Variants in MECOM observed in about 807,000 individuals in gnomAD.
MECOM encodes the protein histone-lysine N-methyltransferase MECOM.
MECOM carries 13 observed loss-of-function variants against 116.3 expected under a neutral mutation model. That is an observed-to-expected ratio of 0.11 (90% CI 0.07 to 0.18). MECOM has a LOEUF of 0.18. MECOM is among the 10% of genes least tolerant of loss of function. MECOM has a pLI of 1.00. For synonymous variants in MECOM, 528 were observed against 535.2 expected, an observed-to-expected ratio of 0.99 and a Z score of 0.19; for missense variants, 1,299 against 1,509.0, an observed-to-expected ratio of 0.86 and a Z score of 2.31.
intron 10 of MECOM, 69 bp from the exon 11 acceptor site, chr3:169,102,295 C>T (rs770250961): frequency 1.8e-5 from 25 of 1,425,008 alleles, no homozygotes; most frequent in Non-Finnish European, 2.4e-5. Context: ...TCTGGCAAAC[C>T]AAGGACATCA....
At position 169,578,793 on chromosome 3, in the gene MECOM, G is replaced by A. The variant is rs79396854; in HGVS notation, c.37+84543C>T. ...AAGGGTATACTCTTCAATGATCTCA[G>A]CATGTCACTTTGAATTTATCCATCT... On this transcript the variant is annotated intron_variant, in intron 1 of 16. Transcript: ENST00000651503. Among the ~76,000 whole-genome samples, 176 of 152,290 alleles carry A rather than the reference G, an allele frequency of 1.2e-3. 1 individual carries two copies. Among genetic ancestry groups the A allele is most frequent in the African/African-American group, 4.1e-3 (171 of 41,550 alleles).
intron 4 of MECOM, among the ~76,000 whole-genome samples, chr3:169,130,644 G>T (rs747249000): frequency 6.6e-6 from 1 of 152,122 alleles, no homozygotes; most frequent in African/African-American, 2.4e-5. Flanking sequence ...AAGAGATGAA[G>T]GGTGGTGATC....
At chr3:169,472,973 T>C (rs1244874944) in intron 1 of MECOM, 1 of 983,974 alleles carries the variant, frequency 1.0e-6, no homozygotes, top group East Asian at 1.1e-4. Flanking sequence ...GTTATCAATA[T>C]GTAGACACCA....
intron 1 of MECOM, among the ~76,000 whole-genome samples, chr3:169,557,550 G>C (rs1762182498): frequency 6.6e-6 from 1 of 152,174 alleles, no homozygotes; most frequent in Non-Finnish European, 1.5e-5. Context: ...GTGGAATACT[G>C]GAGGCAGATG....
chr3:169,321,897 T>G (rs578037236), intron 2 of MECOM, among the ~76,000 whole-genome samples: 1 of 152,336 alleles, frequency 6.6e-6, no homozygotes, highest in African/African-American at 2.4e-5. Context: ...ATCAAACTAA[T>G]GAAACTGGAT....
At chr3:169,371,225 G>A (rs1292830076) in intron 2 of MECOM, among the ~76,000 whole-genome samples, 1 of 151,822 alleles carries the variant, frequency 6.6e-6, no homozygotes, top group Non-Finnish European at 1.5e-5. Context: ...GGACAAACCT[G>A]GAGGATATTA....
chr3:169,260,810 C>A (rs2149610484), intron 2 of MECOM, among the ~76,000 whole-genome samples: 1 of 152,300 alleles, frequency 6.6e-6, no homozygotes, highest in East Asian at 1.9e-4. Context: ...CCCTAAAGTT[C>A]TTTGCAGGCA....
Position 169,492,586 on chromosome 3 carries a change from C to T in MECOM, c.38-111062G>A, listed in dbSNP as rs143433588. Reference sequence around the variant, plus strand: ...GTTAAATACAGTTATTTACCATACACGTGTTTAATACTATTATTATATAAC... The same window carrying T: ...GTTAAATACAGTTATTTACCATACATGTGTTTAATACTATTATTATATAAC... On this transcript the variant is annotated intron_variant, in intron 1 of 16. Transcript: ENST00000651503. 4.5e-3 allele frequency among the ~76,000 whole-genome samples: 680 copies of T among 152,214 alleles called. 10 individuals are homozygous for T. Among genetic ancestry groups the T allele is most frequent in the African/African-American group, 0.016 (654 of 41,514 alleles).
intron 1 of MECOM, among the ~76,000 whole-genome samples, chr3:169,596,652 C>T (rs1419602271): frequency 6.6e-6 from 1 of 151,958 alleles, no homozygotes; most frequent in African/African-American, 2.4e-5. Flanking sequence ...CACCATACAG[C>T]ACAGTAACAA....
At chr3:169,371,085 T>C (rs905022509) in intron 2 of MECOM, among the ~76,000 whole-genome samples, 2 of 151,978 alleles carry the variant, frequency 1.3e-5, no homozygotes, top group African/African-American at 4.8e-5. Flanking sequence ...ACTGCAACAT[T>C]ATCAACAGTA....
At chr3:169,362,582 G>A (rs1005266510) in intron 2 of MECOM, among the ~76,000 whole-genome samples, 8 of 151,900 alleles carry the variant, frequency 5.3e-5, no homozygotes, top group Admixed American at 3.9e-4. Context: ...AGGAGTAAAG[G>A]CCTGAAGGAT....
intron 1 of MECOM, among the ~76,000 whole-genome samples, chr3:169,514,431 T>C (rs1449112950): frequency 6.6e-6 from 1 of 152,186 alleles, no homozygotes; most frequent in African/African-American, 2.4e-5. Flanking sequence ...TTTTGGTCTA[T>C]AAGGAGTTGG....
intron 1 of MECOM, among the ~76,000 whole-genome samples, chr3:169,565,411 C>G (rs1763120923): frequency 6.6e-6 from 1 of 152,142 alleles, no homozygotes; most frequent in Admixed American, 6.5e-5. Flanking sequence ...GATCCACTGC[C>G]CCCTCCTCAC....
chr3:169,277,336 C>T (rs1384487752), intron 2 of MECOM, among the ~76,000 whole-genome samples: 4 of 152,116 alleles, frequency 2.6e-5, no homozygotes, highest in Non-Finnish European at 5.9e-5. Flanking sequence ...CACTTTCTTA[C>T]TTAAGAAAGA....
intron 1 of MECOM, among the ~76,000 whole-genome samples, chr3:169,584,690 A>C (rs1186889054): frequency 6.6e-6 from 1 of 151,350 alleles, no homozygotes; most frequent in Non-Finnish European, 1.5e-5. Context: ...TACTACTGGT[A>C]AACTACTGTG....
At position 169,116,255 on chromosome 3, in the gene MECOM, C is replaced by T. The variant is rs150301174; in HGVS notation, c.1617G>A (p.Gln539=). Reference sequence around the variant, plus strand: ...GTTTAGATAGTGCCTTCAAAATATCCTGTGTAGCTGGCAGTATCTGAGGAT... The same window carrying T: ...GTTTAGATAGTGCCTTCAAAATATCTTGTGTAGCTGGCAGTATCTGAGGAT... ...MTHPQILPAT[Q]DILKALSKHP... is the part of the protein sequence containing the mutation. Residue 539 remains glutamine (Q), a synonymous_variant, in exon 8 of 17, where the codon CAG becomes CAA. Coordinates refer to ENST00000651503, the MANE Select transcript of MECOM (RefSeq NM_004991.4). 1 of 1,614,148 alleles carries T rather than the reference C, an allele frequency of 6.2e-7. No individual in the cohort carries two copies. The highest frequency in any genetic ancestry group is 8.5e-7 in the Non-Finnish European group (1 of 1,180,024).
intron 1 of MECOM, chr3:169,483,688 C>T: frequency 6.4e-7 from 1 of 1,570,860 alleles, no homozygotes; most frequent in Admixed American, 1.7e-5. Flanking sequence ...TCGTCTTCCT[C>T]CTCTTCTTCG....
intron 1 of MECOM, among the ~76,000 whole-genome samples, chr3:169,431,105 A>T (rs1013772047): frequency 2.6e-5 from 4 of 152,228 alleles, no homozygotes; most frequent in Admixed American, 2.6e-4. Context: ...CTATAAAGAC[A>T]TATCTAAGCC....
chr3:169,093,211 C>T (rs1325221463), intron 13 of MECOM, 109 bp from the exon 14 acceptor site: 10 of 1,082,020 alleles, frequency 9.2e-6, no homozygotes, highest in East Asian at 7.7e-5. Context: ...AAAACATGCC[C>T]TATGAATATT....
Sources: gnomAD v4.1 joint callset for allele counts (sites outside exome capture counted in the v4.1 genomes callset) on GRCh38, gnomAD v4.1.1 for gene constraint, MANE v1.5 for transcripts, NCBI Gene and HGNC (gene_info 2026-07-23, HGNC 2026-07-21) for gene names.